PLD5: variants seen among roughly 807,000 people sequenced by gnomAD.
PLD5 encodes the protein inactive phospholipase D5.
A neutral mutation model predicts 61.1 loss-of-function variants in PLD5; 36 were observed. That is an observed-to-expected ratio of 0.59 (90% CI 0.45 to 0.78). The LOEUF (loss-of-function observed/expected upper bound fraction) is 0.78. PLD5 is among the 30% of genes least tolerant of loss of function. The probability of loss-of-function intolerance (pLI) is 0.00; values close to 1 mark genes in which losing one functional copy is unlikely to be tolerated. For missense variants in PLD5, 515 were observed against 644.4 expected, an observed-to-expected ratio of 0.80 and a Z score of 2.17; for synonymous variants, 243 against 242.8, an observed-to-expected ratio of 1.00 and a Z score of -0.01.
intron 1 of PLD5, among the ~76,000 whole-genome samples, chr1:242,411,781 C>A (rs1178052365): frequency 1.3e-5 from 2 of 152,134 alleles, no homozygotes; most frequent in African/African-American, 4.8e-5. Flanking sequence ...ATAATATTGA[C>A]AACCAAAATG....
chr1:242,351,415 C>T (rs1251879340), intron 1 of PLD5, among the ~76,000 whole-genome samples: 1 of 152,128 alleles, frequency 6.6e-6, no homozygotes, highest in African/African-American at 2.4e-5. Flanking sequence ...AGGGACGAGG[C>T]AGGAGGTAAT....
At chr1:242,101,168 C>T (rs1660656601) in intron 8 of PLD5, among the ~76,000 whole-genome samples, 1 of 152,186 alleles carries the variant, frequency 6.6e-6, no homozygotes, top group Non-Finnish European at 1.5e-5. Flanking sequence ...AGTATTCTTA[C>T]ATGTTGCATA....
intron 2 of PLD5, among the ~76,000 whole-genome samples, chr1:242,290,293 A>AAATCTGGAGGAAGCTGGGCTTGC: frequency 7.0e-6 from 1 of 142,680 alleles, no homozygotes; most frequent in Non-Finnish European, 1.5e-5. Context: ...GCTGGGCTTG[A>AAATCTGGAGGAAGCTGGGCTTGC]AATTCGTCTT....
At chr1:242,336,431 A>C (rs1001433602) in intron 2 of PLD5, among the ~76,000 whole-genome samples, 1 of 152,200 alleles carries the variant, frequency 6.6e-6, no homozygotes. Context: ...TCAACAAAGG[A>C]CTAGTTGAAT....
At chr1:242,312,972 C>CTAGT (rs1161718714) in intron 2 of PLD5, among the ~76,000 whole-genome samples, 4 of 152,176 alleles carry the variant, frequency 2.6e-5, no homozygotes, top group Admixed American at 2.0e-4. Flanking sequence ...CTAAAACTTC[C>CTAGT]TAGTCTGCCA....
chr1:242,508,169 G>C (rs547676823), intron 1 of PLD5, among the ~76,000 whole-genome samples: 61 of 150,708 alleles, frequency 4.0e-4, no homozygotes, highest in Non-Finnish European at 7.1e-4. Flanking sequence ...TTCAAGACCA[G>C]CCTGGCCAAC....
chr1:242,324,669 G>A (rs186529631), intron 2 of PLD5, among the ~76,000 whole-genome samples: 192 of 152,296 alleles, frequency 1.3e-3, no homozygotes, highest in African/African-American at 4.2e-3. Flanking sequence ...TGGCTCAGGA[G>A]TCAGGCAGCC....
chr1:242,331,304 A>G (rs926309955), intron 2 of PLD5, among the ~76,000 whole-genome samples: 1 of 152,204 alleles, frequency 6.6e-6, no homozygotes, highest in African/African-American at 2.4e-5. Context: ...GGACAGCAGC[A>G]AAAGACCTTG....
At chr1:242,099,465 A>C (rs1368682013) in intron 9 of PLD5, among the ~76,000 whole-genome samples, 2 of 152,136 alleles carry the variant, frequency 1.3e-5, no homozygotes, top group South Asian at 4.1e-4. Flanking sequence ...CTCTCTTCTA[A>C]TGTGATATTG....
At chr1:242,455,448 G>A (rs1380688807) in intron 1 of PLD5, among the ~76,000 whole-genome samples, 4 of 152,170 alleles carry the variant, frequency 2.6e-5, no homozygotes. Context: ...TTTAGTGATG[G>A]TGAAACAAGC....
At chr1:242,098,830 AC>A in intron 9 of PLD5, among the ~76,000 whole-genome samples, 1 of 152,238 alleles carries the variant, frequency 6.6e-6, no homozygotes, top group East Asian at 1.9e-4. Flanking sequence ...TCCACTCCAG[AC>A]CCTGTTTGCC....
At position 242,504,937 on chromosome 1, in the gene PLD5, C is replaced by T. The variant is rs151206409; in HGVS notation, c.189+19151G>A. 2.0e-5 allele frequency among the ~76,000 whole-genome samples: 3 copies of T among 152,272 alleles called. No homozygotes were observed. The East Asian group carries it at 5.8e-4, about 29-fold the overall frequency. ...TTGGGAGGCCAGGGCAGGAGGATTGCTTGAGCCCAGGAATTTGAGACCAGC... is the reference window on the plus strand; with the variant it reads ...TTGGGAGGCCAGGGCAGGAGGATTGTTTGAGCCCAGGAATTTGAGACCAGC... On this transcript the variant is annotated intron_variant, in intron 1 of 9. Transcript: ENST00000536534.
At chr1:242,225,014 G>A (rs961061712) in intron 4 of PLD5, among the ~76,000 whole-genome samples, 7 of 152,246 alleles carry the variant, frequency 4.6e-5, no homozygotes, top group South Asian at 4.1e-4. Flanking sequence ...GATTTTTTGC[G>A]TGTGTGCCTA....
chr1:242,401,978 G>A (rs2810006), intron 1 of PLD5, among the ~76,000 whole-genome samples: 35,112 of 152,104 alleles, frequency 0.23, 4,326 homozygotes, highest in South Asian at 0.31. Context: ...AAGGTCAAAG[G>A]AAAGGAACAT....
intron 1 of PLD5, among the ~76,000 whole-genome samples, chr1:242,406,600 A>G (rs1664246763): frequency 1.3e-5 from 2 of 152,244 alleles, no homozygotes; most frequent in South Asian, 4.1e-4. Context: ...ACAAGCTAGG[A>G]AAACCTGGAA....
intron 3 of PLD5, among the ~76,000 whole-genome samples, chr1:242,275,657 A>T (rs1674371636): frequency 6.6e-6 from 1 of 152,202 alleles, no homozygotes; most frequent in South Asian, 2.1e-4. Context: ...AAATTCCAGG[A>T]TGGAGGAAGA....
At chr1:242,410,120 G>A (rs931347027) in intron 1 of PLD5, among the ~76,000 whole-genome samples, 5 of 152,228 alleles carry the variant, frequency 3.3e-5, no homozygotes, top group South Asian at 2.1e-4. Flanking sequence ...GGGGTTTTGG[G>A]CGACGACTAT....
intron 1 of PLD5, among the ~76,000 whole-genome samples, chr1:242,476,940 G>C (rs1330461080): frequency 6.6e-6 from 1 of 152,162 alleles, no homozygotes; most frequent in Non-Finnish European, 1.5e-5. Context: ...CAACTCCTGA[G>C]AAAGACATTC....
intron 9 of PLD5, among the ~76,000 whole-genome samples, chr1:242,098,692 A>G (rs2148663621): frequency 6.6e-6 from 1 of 152,154 alleles, no homozygotes; most frequent in African/African-American, 2.4e-5. Context: ...TCATGGTTTT[A>G]TCTACGTTTG....
Sources: allele counts gnomAD v4.1 joint callset (sites outside exome capture counted in the v4.1 genomes callset), GRCh38; gene constraint gnomAD v4.1.1; transcripts MANE v1.5; gene names NCBI Gene and HGNC (gene_info 2026-07-23, HGNC 2026-07-21).